ADGRL3: variants seen among roughly 807,000 people sequenced by gnomAD.
The protein encoded by ADGRL3 is adhesion G protein-coupled receptor L3.
ADGRL3 carries 62 observed loss-of-function variants against 153.5 expected under a neutral mutation model. That is an observed-to-expected ratio of 0.40 (90% CI 0.33 to 0.50). The LOEUF (loss-of-function observed/expected upper bound fraction) is 0.50. ADGRL3 is among the 20% of genes least tolerant of loss of function. The pLI, the probability that ADGRL3 is intolerant of heterozygous loss-of-function variation, is 0.47. For synonymous variants in ADGRL3, 710 were observed against 672.5 expected, an observed-to-expected ratio of 1.06 and a Z score of -0.86; for missense variants, 1,641 against 1,859.4, an observed-to-expected ratio of 0.88 and a Z score of 2.16.
chr4:61,768,847 C>T (rs1387798589), intron 8 of ADGRL3, among the ~76,000 whole-genome samples: 2 of 151,384 alleles, frequency 1.3e-5, no homozygotes, highest in Non-Finnish European at 2.9e-5. Context: ...AGGGCTGGGA[C>T]ACGGAAATAA....
chr4:62,020,152 G>A (rs1016297882), intron 21 of ADGRL3, among the ~76,000 whole-genome samples: 1 of 152,022 alleles, frequency 6.6e-6, no homozygotes, highest in African/African-American at 2.4e-5. Context: ...TTGGAAGTTG[G>A]TGAAAAGAGA....
chr4:61,204,234 T>C (rs906696389), intron 1 of ADGRL3, among the ~76,000 whole-genome samples: 15 of 152,204 alleles, frequency 9.9e-5, no homozygotes, highest in Non-Finnish European at 1.6e-4. Flanking sequence ...GAATCACTGA[T>C]GCCTGACTTT....
At chr4:61,495,223 A>C (rs1324644439) in intron 2 of ADGRL3, among the ~76,000 whole-genome samples, 1 of 152,210 alleles carries the variant, frequency 6.6e-6, no homozygotes, top group Non-Finnish European at 1.5e-5. Flanking sequence ...TGCCGTAAAT[A>C]ACAATATCAA....
At chr4:61,690,185 C>A (rs996417416) in intron 6 of ADGRL3, among the ~76,000 whole-genome samples, 1 of 152,124 alleles carries the variant, frequency 6.6e-6, no homozygotes, top group African/African-American at 2.4e-5. Flanking sequence ...TGGCTCACAC[C>A]TATAATACCA....
At chr4:61,610,699 C>A (rs932726907) in intron 5 of ADGRL3, among the ~76,000 whole-genome samples, 10 of 152,130 alleles carry the variant, frequency 6.6e-5, no homozygotes, top group African/African-American at 2.4e-4. Flanking sequence ...TCAGTTAATT[C>A]TCCTAACATA....
At chr4:61,503,366 A>T (rs1449735287) in intron 3 of ADGRL3, among the ~76,000 whole-genome samples, 1 of 152,060 alleles carries the variant, frequency 6.6e-6, no homozygotes, top group Non-Finnish European at 1.5e-5. Flanking sequence ...CTTGTAATTT[A>T]TCCTATTTTT....
chr4:61,445,942 C>T (rs2152493488), intron 2 of ADGRL3, among the ~76,000 whole-genome samples: 1 of 152,288 alleles, frequency 6.6e-6, no homozygotes, highest in African/African-American at 2.4e-5. Context: ...AAATACTTAG[C>T]AGTGTGCCAT....
chr4:61,980,305 A>ACTTT (rs2099063308), intron 18 of ADGRL3, among the ~76,000 whole-genome samples: 1 of 31,052 alleles, frequency 3.2e-5, no homozygotes, highest in Non-Finnish European at 1.0e-4. Context: ...GGTAACCACT[A>ACTTT]ATTTTTTTTT....
rs1443939224 is a variant in ADGRL3 at position 61,643,652 on chromosome 4, G to T, written c.474-33174G>T. ...CAGGGATGAAGCCCACTTGATCATGGTGGATAAGCTTTTTGATGTGCTGCT... is the reference window on the plus strand; with the variant it reads ...CAGGGATGAAGCCCACTTGATCATGTTGGATAAGCTTTTTGATGTGCTGCT... On this transcript the variant is annotated intron_variant, in intron 5 of 26. Transcript: ENST00000683033. Among the ~76,000 whole-genome samples, 11 of 142,518 alleles carry T rather than the reference G, an allele frequency of 7.7e-5. No individual in the cohort carries two copies. In the East Asian group the frequency reaches 2.4e-3, roughly 31 times the overall value. The allele number at this position is 142,518 out of a possible 152,430, so 93.5% of individuals were successfully genotyped here.
intron 1 of ADGRL3, among the ~76,000 whole-genome samples, chr4:61,203,622 C>A (rs1285023296): frequency 6.6e-6 from 1 of 152,202 alleles, no homozygotes; most frequent in East Asian, 1.9e-4. Context: ...TAAAGAATGT[C>A]ATCGTAGAAT....
At chr4:61,326,021 G>C (rs1188426037) in intron 1 of ADGRL3, among the ~76,000 whole-genome samples, 1 of 152,118 alleles carries the variant, frequency 6.6e-6, no homozygotes, top group African/African-American at 2.4e-5. Context: ...TGAGGAATAA[G>C]GGTCCTCAGC....
chr4:61,761,630 C>A (rs1322309357), intron 8 of ADGRL3, among the ~76,000 whole-genome samples: 1 of 152,096 alleles, frequency 6.6e-6, no homozygotes, highest in Non-Finnish European at 1.5e-5. Context: ...CCCGTCTCTA[C>A]ACAAAATTTT....
At chr4:61,685,815 CTCTT>C (rs1337638663) in intron 6 of ADGRL3, among the ~76,000 whole-genome samples, 1 of 152,046 alleles carries the variant, frequency 6.6e-6, no homozygotes, top group Non-Finnish European at 1.5e-5. Flanking sequence ...AACTGACCTT[CTCTT>C]TCTAATATAT....
At chr4:61,459,735 G>T (rs758744441) in intron 2 of ADGRL3, among the ~76,000 whole-genome samples, 10 of 152,068 alleles carry the variant, frequency 6.6e-5, no homozygotes, top group Non-Finnish European at 1.3e-4. Flanking sequence ...TTTTGATAAA[G>T]TCATGGTAAT....
At chr4:61,712,091 T>G (rs1412320958) in intron 6 of ADGRL3, among the ~76,000 whole-genome samples, 1 of 152,088 alleles carries the variant, frequency 6.6e-6, no homozygotes, top group Non-Finnish European at 1.5e-5. Context: ...GTATAGCATC[T>G]TGGTTAGAAA....
rs1322619155 is a variant in ADGRL3, at chr4:62,046,871, T to G, written c.3814+2322T>G. Among the ~76,000 whole-genome samples, 3 of 151,968 alleles carry G rather than the reference T, an allele frequency of 2.0e-5. No homozygotes were observed. In the East Asian group the frequency reaches 5.8e-4, roughly 29 times the overall value. On this transcript the variant is annotated intron_variant, in intron 25 of 26. Coordinates refer to ENST00000683033, the MANE Select transcript of ADGRL3 (RefSeq NM_001387552.1). ...TGAGTGGACTACTTGAAATTTTGTT[T>G]CTTCATATTATGTCTCTGAAGATAG...
intron 17 of ADGRL3, among the ~76,000 whole-genome samples, chr4:61,978,165 A>T (rs746949594): frequency 4.6e-5 from 7 of 152,190 alleles, no homozygotes; most frequent in Non-Finnish European, 8.8e-5. Context: ...AGTTGAAAAA[A>T]GTATCAATTA....
At chr4:61,427,334 G>A (rs1005275678) in intron 2 of ADGRL3, 5 of 152,756 alleles carry the variant, frequency 3.3e-5, no homozygotes, top group African/African-American at 1.2e-4. Context: ...ATTCAGTCAG[G>A]GTGTGGTCGC....
Position 61,733,144 on chromosome 4 carries a change from A to G in ADGRL3, c.989A>G (p.Asp330Gly). 2 of 1,613,292 alleles carry G rather than the reference A, an allele frequency of 1.2e-6. No homozygotes were observed. Among genetic ancestry groups the G allele is most frequent in the Non-Finnish European group, 1.7e-6 (2 of 1,179,618 alleles). Residue 330 changes from aspartate to glycine, a missense_variant, in exon 8 of 27, where the codon GAC (aspartate) becomes GGC (glycine). By Grantham distance (94) the Asp-to-Gly change is moderately conservative. Coordinates refer to ENST00000683033, the MANE Select transcript of ADGRL3 (RefSeq NM_001387552.1). The stretch of plus-strand genomic sequence containing the variant: ...CCTTACCGATGGGGAGGCAAATCTG[A>G]CATAGACCTGGCAGTAGATGAGAAT... ...TSPYRWGGKSDIDLAVDENGL... is the reference protein window; with the variant it reads ...TSPYRWGGKSGIDLAVDENGL...
Sources: allele counts gnomAD v4.1 joint callset (sites outside exome capture counted in the v4.1 genomes callset), GRCh38; gene constraint gnomAD v4.1.1; transcripts MANE v1.5; gene names NCBI Gene and HGNC (gene_info 2026-07-23, HGNC 2026-07-21).